ENOX1: variants seen among roughly 807,000 people sequenced by gnomAD.
ENOX1 encodes candidate growth-related and time keeping constitutive hydroquinone (NADH) oxidase.
Under a neutral mutation model 82.5 loss-of-function variants are expected in ENOX1, and 42 were observed. The observed-to-expected ratio is 0.51, with a 90% confidence interval of 0.40 to 0.66. ENOX1 has a LOEUF of 0.66. Ranked by LOEUF, ENOX1 falls within the 30% of genes least tolerant of loss-of-function variation. The pLI, the probability that ENOX1 is intolerant of heterozygous loss-of-function variation, is 0.00. For synonymous variants in ENOX1, 271 were observed against 282.2 expected, an observed-to-expected ratio of 0.96 and a Z score of 0.40; for missense variants, 608 against 811.6, an observed-to-expected ratio of 0.75 and a Z score of 3.05.
chr13:43,247,848 TATATATATATATATATA>T (rs2043173796), intron 14 of ENOX1, among the ~76,000 whole-genome samples: 2 of 1,892 alleles, frequency 1.1e-3, no homozygotes, highest in African/African-American at 2.6e-3. Flanking sequence ...TATATATATA[TATATATATATATATATA>T]TATATATATA....
intron 2 of ENOX1, among the ~76,000 whole-genome samples, chr13:43,494,376 T>C (rs565645969): frequency 5.1e-4 from 78 of 152,320 alleles, no homozygotes; most frequent in African/African-American, 1.8e-3. Context: ...ACGTACATCA[T>C]GTTTGCAAAC....
At chr13:43,761,333 C>A (rs1045821048) in intron 1 of ENOX1, among the ~76,000 whole-genome samples, 2 of 152,132 alleles carry the variant, frequency 1.3e-5, no homozygotes, top group Admixed American at 1.3e-4. Context: ...CTACCTCAGA[C>A]GATAAAGAAA....
At chr13:43,775,717 G>A (rs899766420) in intron 1 of ENOX1, among the ~76,000 whole-genome samples, 1 of 152,054 alleles carries the variant, frequency 6.6e-6, no homozygotes, top group East Asian at 1.9e-4. Flanking sequence ...TGGGGCCCCC[G>A]GAGAAAGAAT....
intron 2 of ENOX1, among the ~76,000 whole-genome samples, chr13:43,593,629 A>G (rs1227677317): frequency 6.9e-6 from 1 of 144,652 alleles, no homozygotes; most frequent in Non-Finnish European, 1.5e-5. Flanking sequence ...TTGGATTTGC[A>G]ATTCTATTCC....
At chr13:43,462,336 A>C (rs10492566) in intron 3 of ENOX1, among the ~76,000 whole-genome samples, 3,096 of 152,308 alleles carry the variant, frequency 0.02, 118 homozygotes, top group African/African-American at 0.07. Context: ...TATTTATTCC[A>C]ATAGCTGGTC....
chr13:43,725,094 T>C (rs2088849685), intron 1 of ENOX1, among the ~76,000 whole-genome samples: 1 of 152,198 alleles, frequency 6.6e-6, no homozygotes, highest in African/African-American at 2.4e-5. Flanking sequence ...ATTACATGGA[T>C]ATATGTCTCA....
chr13:43,383,032 A>G (rs1259143515), intron 5 of ENOX1, among the ~76,000 whole-genome samples: 5 of 152,168 alleles, frequency 3.3e-5, no homozygotes, highest in Non-Finnish European at 7.4e-5. Context: ...ACAGCCAGTT[A>G]TATGCCAATT....
intron 2 of ENOX1, among the ~76,000 whole-genome samples, chr13:43,561,381 C>T (rs1177823441): frequency 6.6e-6 from 1 of 152,126 alleles, no homozygotes; most frequent in Non-Finnish European, 1.5e-5. Context: ...TACTTGATAA[C>T]TGTGTTACTC....
In ENOX1 at chr13:43,688,855, C is replaced by A. The variant is rs560940095; in HGVS notation, c.-284-21311G>T. ...TATCACCCAAGATGTGTCTAATAAG[C>A]AGTTAGACAGTTGGATCTCAGTTTC... On this transcript the variant is annotated intron_variant, in intron 1 of 16. Transcript: ENST00000690772. Among the ~76,000 whole-genome samples, 3 of 152,274 alleles carry A rather than the reference C, an allele frequency of 2.0e-5. No homozygotes were observed. In the East Asian group the frequency reaches 5.8e-4, roughly 29 times the overall value.
At chr13:43,674,600 T>C (rs917341110) in intron 1 of ENOX1, among the ~76,000 whole-genome samples, 1 of 151,680 alleles carries the variant, frequency 6.6e-6, no homozygotes, top group African/African-American at 2.4e-5. Context: ...GAGGGAGGAA[T>C]AGGCAGAGGG....
intron 1 of ENOX1, among the ~76,000 whole-genome samples, chr13:43,671,219 T>G (rs1028712575): frequency 6.6e-6 from 1 of 152,218 alleles, no homozygotes; most frequent in Non-Finnish European, 1.5e-5. Context: ...TCCCCAGCCA[T>G]GCAGAACTGT....
At chr13:43,479,940 T>A (rs2875532) in intron 3 of ENOX1, among the ~76,000 whole-genome samples, 62,628 of 148,280 alleles carry the variant, frequency 0.42, 13,505 homozygotes, top group Non-Finnish European at 0.5. Flanking sequence ...TTTATTTTTA[T>A]TTTTTTTTTT....
chr13:43,592,819 T>C (rs2081302867), intron 2 of ENOX1, among the ~76,000 whole-genome samples: 1 of 152,212 alleles, frequency 6.6e-6, no homozygotes. Context: ...CAAATTCTCC[T>C]AAAGTCACAT....
chr13:43,609,164 A>C (rs1243292637), intron 2 of ENOX1, among the ~76,000 whole-genome samples: 1 of 152,140 alleles, frequency 6.6e-6, no homozygotes, highest in Non-Finnish European at 1.5e-5. Flanking sequence ...GATCAGGTGG[A>C]TATACATAGG....
intron 1 of ENOX1, among the ~76,000 whole-genome samples, chr13:43,742,699 T>C (rs532675875): frequency 6.6e-6 from 1 of 152,220 alleles, no homozygotes; most frequent in South Asian, 2.1e-4. Context: ...TAAGAGATAA[T>C]GGTGGCTCAA....
chr13:43,428,645 C>T (rs1458508053), intron 3 of ENOX1, among the ~76,000 whole-genome samples: 1 of 152,152 alleles, frequency 6.6e-6, no homozygotes, highest in African/African-American at 2.4e-5. Context: ...TTCTTCTGTT[C>T]TACTTCTCTT....
chr13:43,511,151 A>C (rs1388029974), intron 2 of ENOX1, among the ~76,000 whole-genome samples: 4 of 152,278 alleles, frequency 2.6e-5, no homozygotes, highest in African/African-American at 9.6e-5. Context: ...ATATGAGCTG[A>C]GGCATTTAAT....
intron 2 of ENOX1, among the ~76,000 whole-genome samples, chr13:43,517,176 C>T (rs147462298): frequency 1.4e-3 from 210 of 152,046 alleles, no homozygotes; most frequent in African/African-American, 4.7e-3. Context: ...TATATGTTTA[C>T]GGAGCTTTTG....
intron 9 of ENOX1, among the ~76,000 whole-genome samples, chr13:43,329,519 C>G (rs1056433373): frequency 6.6e-6 from 1 of 152,102 alleles, no homozygotes; most frequent in Non-Finnish European, 1.5e-5. Flanking sequence ...TTTGAGATGC[C>G]TGAAGACCAT....
Sources: allele counts gnomAD v4.1 joint callset (sites outside exome capture counted in the v4.1 genomes callset), GRCh38; gene constraint gnomAD v4.1.1; transcripts MANE v1.5; gene names NCBI Gene and HGNC (gene_info 2026-07-23, HGNC 2026-07-21).